Variants in FAM181B observed in about 807,000 individuals in gnomAD.
FAM181B encodes the protein family with sequence similarity 181 member B.
Under a neutral mutation model 17.8 loss-of-function variants are expected in FAM181B, and 13 were observed. That is an observed-to-expected ratio of 0.73 (90% confidence interval 0.48 to 1.16). The LOEUF (loss-of-function observed/expected upper bound fraction) is 1.16. FAM181B is among the 50% of genes most tolerant of loss of function. FAM181B has a pLI of 0.00. For synonymous variants in FAM181B, 338 were observed against 316.5 expected (o/e 1.07, Z -0.72); for missense variants, 725 against 634.1 (o/e 1.14, Z -1.54).
At position 82,733,170 on chromosome 11, in the gene FAM181B, G is replaced by C. The variant is rs1375347743; in HGVS notation, c.560C>G (p.Ala187Gly). The change falls in exon 1 of 1, where the codon GCT (alanine) becomes GGT (glycine). Residue 187 changes from alanine to glycine, a missense_variant. Coordinates refer to ENST00000329203, the MANE Select transcript of FAM181B (RefSeq NM_175885.4). ...GGAEPAGGEVAAPAAGLGGAG... is the reference protein window; with the variant it reads ...GGAEPAGGEVGAPAAGLGGAG... ...ACCTCCTAGCCCGGCCGCCGGCGCA[G>C]CCACCTCACCCCCCGCCGGCTCGGC... The C allele has an allele frequency of 7.2e-7, 1 of 1,392,916 alleles. No individual in the cohort carries two copies. The highest frequency in any genetic ancestry group is 9.2e-7 in the Non-Finnish European group (1 of 1,081,970). 86.3% of individuals were successfully genotyped at this position (1,392,916 alleles called of 1,614,324 possible).
chr11:82,733,201 C>G lies in FAM181B; in HGVS notation c.529G>C (p.Gly177Arg). The change falls in exon 1 of 1, where the codon GGG becomes CGG. Residue 177 changes from glycine (G) to arginine (R), a missense_variant. Physicochemically the swap from Gly to Arg is moderately radical, Grantham distance 125. Coordinates refer to ENST00000329203, the MANE Select transcript of FAM181B (RefSeq NM_175885.4). ...TCACCCCCCGCCGGCTCGGCACCCC[C>G]GGGGACGTGGCGCAGCGAGTCGAAG... is the stretch of plus-strand genomic sequence containing the variant. The part of the protein sequence containing the change: ...ALFDSLRHVP[G>R]GAEPAGGEVA... 3.0e-6 allele frequency: 4 copies of G among 1,325,044 alleles called. No homozygotes were observed. Among genetic ancestry groups the G allele is most frequent in the Non-Finnish European group, 3.8e-6 (4 of 1,045,678 alleles). 82.1% of individuals were successfully genotyped at this position (1,325,044 alleles called of 1,614,324 possible).
Position 82,732,776 on chromosome 11 carries a change from T to C in FAM181B, c.954A>G (p.Leu318=), listed in dbSNP as rs1204426273. The C allele has an allele frequency of 2.0e-6, 3 of 1,485,084 alleles. No individual in the cohort carries two copies. The highest frequency in any genetic ancestry group is 2.4e-5 in the Admixed American group (1 of 42,494). The allele number at this position is 1,485,084 out of a possible 1,614,324, so 92.0% of individuals were successfully genotyped here. A position where few individuals can be genotyped will look rare whatever the true frequency, so the allele number is the denominator to read the frequency against. ...GGACGCTCCAGGGCTCGGGGTACAG[T>C]AGGTTTCCCACCACTGCCGGCGGCG... ...FEPPPAVVGN[L]LYPEPWSVPG... The change falls in exon 1 of 1, where the codon CTA becomes CTG. Residue 318 remains leucine (L), a synonymous_variant. Coordinates refer to ENST00000329203, the MANE Select transcript of FAM181B (RefSeq NM_175885.4).
In FAM181B at chr11:82,730,761, TTC is replaced by T. The variant is rs892553450; in HGVS notation, c.*1686_*1687del. On this transcript the variant is annotated 3_prime_UTR_variant, in exon 1 of 1. Coordinates refer to ENST00000329203, the MANE Select transcript of FAM181B (RefSeq NM_175885.4). ...GGTTAATACTCATTTTTTCCAGAAA[TTC>T]TTTTATGAAAATATCACAATACTTT... is the stretch of plus-strand genomic sequence containing the variant. 6.6e-6 allele frequency: 1 copy of T among 152,216 alleles called. No individual in the cohort carries two copies. The highest frequency in any genetic ancestry group is 1.5e-5 in the Non-Finnish European group (1 of 68,024). The allele number at this position is 152,216 out of a possible 1,614,324, so 9.4% of individuals were successfully genotyped here. A position where few individuals can be genotyped will look rare whatever the true frequency, so the allele number is the denominator to read the frequency against.
At position 82,732,972 on chromosome 11, in the gene FAM181B, C is replaced by T; in HGVS notation, c.758G>A (p.Gly253Asp). 1 of 1,573,462 alleles carries T rather than the reference C, an allele frequency of 6.4e-7. No individual in the cohort carries two copies. The highest frequency in any genetic ancestry group is 8.6e-7 in the Non-Finnish European group (1 of 1,168,044). Residue 253 changes from glycine (G) to aspartate (D), a missense_variant, in exon 1 of 1, where the codon GGC (glycine) becomes GAC (aspartate). Gly to Asp is a moderately conservative substitution (Grantham distance 94). Coordinates refer to ENST00000329203, the MANE Select transcript of FAM181B (RefSeq NM_175885.4). ...CGPSGPDVSL[G>D]DLEKGAEAVE... ...GGCCTCCGCGCCCTTCTCCAGGTCGCCCAAGCTCACGTCCGGCCCCGACGG... is the reference window on the plus strand; with the variant it reads ...GGCCTCCGCGCCCTTCTCCAGGTCGTCCAAGCTCACGTCCGGCCCCGACGG...
In FAM181B at chr11:82,732,820, C is replaced by G; in HGVS notation, c.910G>C (p.Glu304Gln). ...GGCGGCGGCTCAAAGAGGCCGGGCT[C>G]CAGCTCCGGGGGTCCCCGCAGTACG... Reference protein sequence around the residue: ...ASVLRGPPELEPGLFEPPPAV... With the variant: ...ASVLRGPPELQPGLFEPPPAV... The change falls in exon 1 of 1, where the codon GAG becomes CAG. Residue 304 changes from glutamate (E) to glutamine (Q), a missense_variant. Transcript: ENST00000329203. 6.6e-7 allele frequency: 1 copy of G among 1,522,330 alleles called. No individual in the cohort carries two copies. The highest frequency in any genetic ancestry group is 1.4e-5 in the African/African-American group (1 of 71,466). The allele number at this position is 1,522,330 out of a possible 1,614,324, so 94.3% of individuals were successfully genotyped here.
chr11:82,732,359 T>A lies in FAM181B; in HGVS notation c.*90A>T. 1 of 1,275,250 alleles carries A rather than the reference T, an allele frequency of 7.8e-7. No homozygotes were observed. Among genetic ancestry groups the A allele is most frequent in the Non-Finnish European group, 1.1e-6 (1 of 931,836 alleles). 79.0% of individuals were successfully genotyped at this position (1,275,250 alleles called of 1,614,324 possible). A position where few individuals can be genotyped will look rare whatever the true frequency, so the allele number is the denominator to read the frequency against. ...AAATCTGGTTTCATCTCCACGTGCA[T>A]TTTCCCATCGTTCTTCAGATTTAGG... On this transcript the variant is annotated 3_prime_UTR_variant, in exon 1 of 1. Coordinates refer to ENST00000329203, the MANE Select transcript of FAM181B (RefSeq NM_175885.4).
Position 82,731,275 on chromosome 11 carries a change from G to C in FAM181B, c.*1174C>G, listed in dbSNP as rs1041159698. Reference sequence around the variant, plus strand: ...TTCCGTGGGGAGAGTGTGGGTATAAGGACTGAGGAAACAAAGGGAGGCAGA... The same window carrying C: ...TTCCGTGGGGAGAGTGTGGGTATAACGACTGAGGAAACAAAGGGAGGCAGA... On this transcript the variant is annotated 3_prime_UTR_variant, in exon 1 of 1. Coordinates refer to ENST00000329203, the MANE Select transcript of FAM181B (RefSeq NM_175885.4). The C allele has an allele frequency of 2.6e-5, 4 of 152,310 alleles. No homozygotes were observed. Among genetic ancestry groups the C allele is most frequent in the Non-Finnish European group, 5.9e-5 (4 of 68,160 alleles). 9.4% of individuals were successfully genotyped at this position (152,310 alleles called of 1,614,324 possible).
rs1304083329 is a variant in FAM181B at position 82,732,865 on chromosome 11, C to G, written c.865G>C (p.Val289Leu). 7.8e-6 allele frequency: 12 copies of G among 1,542,140 alleles called. No homozygotes were observed. ...AVLLAAEPLDVFPAGASVLRG... is the reference protein window; with the variant it reads ...AVLLAAEPLDLFPAGASVLRG... ...AGTACGGAGGCTCCGGCGGGGAACA[C>G]GTCGAGAGGCTCGGCGGCAAGCAAG... Residue 289 changes from valine to leucine, a missense_variant, in exon 1 of 1, where the codon GTG (valine) becomes CTG (leucine). Val to Leu is a conservative substitution (Grantham distance 32). Transcript: ENST00000329203.
chr11:82,732,552 T>G lies in FAM181B; in HGVS notation c.1178A>C (p.Tyr393Ser). ...PPPPPPHQVS[Y>S]DYSAGYSRTA... Reference sequence around the variant, plus strand: ...GCGGCTGTAGCCCGCGCTGTAATCGTAGGACACCTGATGGGGCGGCGGCGG... The same window carrying G: ...GCGGCTGTAGCCCGCGCTGTAATCGGAGGACACCTGATGGGGCGGCGGCGG... Residue 393 changes from tyrosine to serine, a missense_variant, in exon 1 of 1, where the codon TAC becomes TCC. Tyr to Ser is a moderately radical substitution (Grantham distance 144). Coordinates refer to ENST00000329203, the MANE Select transcript of FAM181B (RefSeq NM_175885.4). 6.2e-7 allele frequency: 1 copy of G among 1,611,426 alleles called. No homozygotes were observed. Among genetic ancestry groups the G allele is most frequent in the Non-Finnish European group, 8.5e-7 (1 of 1,179,430 alleles).
In FAM181B at chr11:82,732,392, C is replaced by G; in HGVS notation, c.*57G>C. ...TCGTTCTTCAGATTTAGGAGAAACC[C>G]ACGGAGGCGCGGCGCTCTCCACAGC... is the stretch of plus-strand genomic sequence containing the variant. On this transcript the variant is annotated 3_prime_UTR_variant, in exon 1 of 1. Transcript: ENST00000329203. The G allele has an allele frequency of 6.6e-7, 1 of 1,522,436 alleles. No individual in the cohort carries two copies. The highest frequency in any genetic ancestry group is 9.0e-7 in the Non-Finnish European group (1 of 1,116,984). 94.3% of individuals were successfully genotyped at this position (1,522,436 alleles called of 1,614,324 possible).
Position 82,732,296 on chromosome 11 carries a change from C to CT in FAM181B, c.*152dup. The CT allele has an allele frequency of 2.7e-6, 2 of 745,632 alleles. No homozygotes were observed. The highest frequency in any genetic ancestry group is 4.3e-6 in the Non-Finnish European group (2 of 463,088). 46.2% of individuals were successfully genotyped at this position (745,632 alleles called of 1,614,324 possible). A position where few individuals can be genotyped will look rare whatever the true frequency, so the allele number is the denominator to read the frequency against. ...AACAATCCCCAACTCGTCTTCATCT[C>CT]TTTTTTCTGAAGTTGCTTTTATTAA... On this transcript the variant is annotated 3_prime_UTR_variant, in exon 1 of 1. Transcript: ENST00000329203.
At position 82,732,537 on chromosome 11, in the gene FAM181B, C is replaced by G; in HGVS notation, c.1193G>C (p.Gly398Ala). Residue 398 changes from glycine to alanine, a missense_variant, in exon 1 of 1, where the codon GGC becomes GCC. Gly to Ala is a moderately conservative substitution (Grantham distance 60). Coordinates refer to ENST00000329203, the MANE Select transcript of FAM181B (RefSeq NM_175885.4). ...PHQVSYDYSAGYSRTAYSSLW... is the reference protein window; with the variant it reads ...PHQVSYDYSAAYSRTAYSSLW... ...GCTGGAATAGGCGGTGCGGCTGTAG[C>G]CCGCGCTGTAATCGTAGGACACCTG... The G allele has an allele frequency of 6.2e-7, 1 of 1,612,158 alleles. No homozygotes were observed. The highest frequency in any genetic ancestry group is 8.5e-7 in the Non-Finnish European group (1 of 1,179,722).
Position 82,733,096 on chromosome 11 carries a change from T to C in FAM181B, c.634A>G (p.Thr212Ala). The C allele has an allele frequency of 6.7e-7, 1 of 1,493,992 alleles. No individual in the cohort carries two copies. Among genetic ancestry groups the C allele is most frequent in the Non-Finnish European group, 8.8e-7 (1 of 1,132,084 alleles). 92.5% of individuals were successfully genotyped at this position (1,493,992 alleles called of 1,614,324 possible). ...GGDVAGPAGA[T>A]AIPGARKVPL... ...ACCTTCCTGGCCCCTGGGATCGCCG[T>C]GGCCCCCGCGGGGCCTGCCACGTCC... Residue 212 changes from threonine to alanine, a missense_variant, in exon 1 of 1, where the codon ACG becomes GCG. Physicochemically the swap from Thr to Ala is moderately conservative, Grantham distance 58. Transcript: ENST00000329203.
In FAM181B at chr11:82,732,454, C is replaced by G. The variant is rs1436995380; in HGVS notation, c.1276G>C (p.Asp426His). The change falls in exon 1 of 1, where the codon GAC becomes CAC. Residue 426 changes from aspartate to histidine, a missense_variant. Asp to His is a moderately conservative substitution (Grantham distance 81). Coordinates refer to ENST00000329203, the MANE Select transcript of FAM181B (RefSeq NM_175885.4). ...GAPGEEGAHR[D>H] The stretch of plus-strand genomic sequence containing the variant: ...AAGGGAAGCGTGCCTCGAAGTCAGT[C>G]CCGGTGCGCCCCCTCCTCCCCCGGC... The G allele has an allele frequency of 1.9e-6, 3 of 1,612,706 alleles. No homozygotes were observed. The highest frequency in any genetic ancestry group is 3.3e-5 in the Admixed American group (2 of 59,978).
Position 82,732,314 on chromosome 11 carries a change from T to C in FAM181B, c.*135A>G. On this transcript the variant is annotated 3_prime_UTR_variant, in exon 1 of 1. Coordinates refer to ENST00000329203, the MANE Select transcript of FAM181B (RefSeq NM_175885.4). ...TTCATCTCTTTTTTCTGAAGTTGCT[T>C]TTATTAATTGAATTTTTAAAAATCT... 1 of 852,314 alleles carries C rather than the reference T, an allele frequency of 1.2e-6. No individual in the cohort carries two copies. The highest frequency in any genetic ancestry group is 2.8e-5 in the East Asian group (1 of 35,198). 52.8% of individuals were successfully genotyped at this position (852,314 alleles called of 1,614,324 possible).
rs1217680468 is a variant in FAM181B at position 82,732,826 on chromosome 11, C to T, written c.904G>A (p.Glu302Lys). The T allele has an allele frequency of 6.6e-7, 1 of 1,525,246 alleles. No homozygotes were observed. Among genetic ancestry groups the T allele is most frequent in the South Asian group, 1.2e-5 (1 of 80,854 alleles). 94.5% of individuals were successfully genotyped at this position (1,525,246 alleles called of 1,614,324 possible). ...AGASVLRGPPELEPGLFEPPP... is the reference protein window; with the variant it reads ...AGASVLRGPPKLEPGLFEPPP... ...GGCTCAAAGAGGCCGGGCTCCAGCT[C>T]CGGGGGTCCCCGCAGTACGGAGGCT... The change falls in exon 1 of 1, where the codon GAG (glutamate) becomes AAG (lysine). Residue 302 changes from glutamate to lysine, a missense_variant. By Grantham distance (56) the Glu-to-Lys change is moderately conservative. Transcript: ENST00000329203.
chr11:82,733,212 C>T lies in FAM181B; in HGVS notation c.518G>A (p.Arg173His), dbSNP rs938238691. The change falls in exon 1 of 1, where the codon CGC becomes CAC. Residue 173 changes from arginine (R) to histidine (H), a missense_variant. Coordinates refer to ENST00000329203, the MANE Select transcript of FAM181B (RefSeq NM_175885.4). ...RSLAALFDSLRHVPGGAEPAG... is the reference protein window; with the variant it reads ...RSLAALFDSLHHVPGGAEPAG... The stretch of plus-strand genomic sequence containing the variant: ...CGGCTCGGCACCCCCGGGGACGTGG[C>T]GCAGCGAGTCGAAGAGCGCGGCCAG... The T allele has an allele frequency of 1.1e-5, 15 of 1,308,786 alleles. 1 individual carries two copies. The African/African-American group carries it at 2.3e-4, about 20-fold the overall frequency. 81.1% of individuals were successfully genotyped at this position (1,308,786 alleles called of 1,614,324 possible). A position where few individuals can be genotyped will look rare whatever the true frequency, so the allele number is the denominator to read the frequency against.
In FAM181B at chr11:82,733,662, T is replaced by A; in HGVS notation, c.68A>T (p.Asp23Val). ...FVPFGFGGSP[D>V]GLGGAFGALD... ...GGCTCCGAAGGCGCCCCCTAGCCCG[T>A]CCGGGGAGCCCCCGAAGCCGAAGGG... The change falls in exon 1 of 1, where the codon GAC (aspartate) becomes GTC (valine). Residue 23 changes from aspartate to valine, a missense_variant. Physicochemically the swap from Asp to Val is radical, Grantham distance 152. Transcript: ENST00000329203. The A allele has an allele frequency of 6.4e-7, 1 of 1,565,834 alleles. No individual in the cohort carries two copies. Among genetic ancestry groups the A allele is most frequent in the African/African-American group, 1.4e-5 (1 of 73,310 alleles).
rs969859164 is a variant in FAM181B at position 82,731,133 on chromosome 11, C to G, written c.*1316G>C. On this transcript the variant is annotated 3_prime_UTR_variant, in exon 1 of 1. Transcript: ENST00000329203. ...TAAAAATATTTCTTTTTCCCCAAAT[C>G]TCCCTCGGACAACAGATCATACTCC... 6.6e-6 allele frequency: 1 copy of G among 152,276 alleles called. No homozygotes were observed. Among genetic ancestry groups the G allele is most frequent in the Non-Finnish European group, 1.5e-5 (1 of 68,072 alleles). 9.4% of individuals were successfully genotyped at this position (152,276 alleles called of 1,614,324 possible).
Sources: gnomAD v4.1 joint callset for allele counts on GRCh38, gnomAD v4.1.1 for gene constraint, MANE v1.5 for transcripts, NCBI Gene and HGNC (gene_info 2026-07-23, HGNC 2026-07-21) for gene names.